GTF2H1: variants seen among roughly 807,000 people sequenced by gnomAD.
GTF2H1 encodes general transcription factor IIH subunit 1, also known as BTF2 p62.
GTF2H1 carries 16 observed loss-of-function variants against 71.2 expected under a neutral mutation model. The observed-to-expected ratio is 0.22, with a 90% CI of 0.15 to 0.34. The LOEUF is 0.34. GTF2H1 is among the 10% of genes least tolerant of loss of function. The pLI, the probability that GTF2H1 is intolerant of heterozygous loss-of-function variation, is 1.00. For missense variants in GTF2H1, 498 were observed against 648.2 expected (o/e 0.77, Z 2.52); for synonymous variants, 215 against 219.0 (o/e 0.98, Z 0.16).
At position 18,365,935 on chromosome 11, in the gene GTF2H1, C is replaced by A; in HGVS notation, c.*66C>A. 9.3e-7 allele frequency: 1 copy of A among 1,076,850 alleles called. No homozygotes were observed. Among genetic ancestry groups the A allele is most frequent in the Non-Finnish European group, 1.4e-6 (1 of 704,796 alleles). 66.7% of individuals were successfully genotyped at this position (1,076,850 alleles called of 1,614,324 possible). On this transcript the variant is annotated 3_prime_UTR_variant, in exon 15 of 15. Transcript: ENST00000265963. ...CTATGACCTGCAGCAACTCTGGAAA[C>A]CTGGCCTGACAGACAAGCAGATGAC...
chr11:18,341,702 T>A, intron 7 of GTF2H1, 95 bp downstream of exon 7: 1 of 737,584 alleles, frequency 1.4e-6, no homozygotes, highest in Non-Finnish European at 2.2e-6. Flanking sequence ...CTTGTGAGAA[T>A]GTCAAATAAG....
intron 14 of GTF2H1, among the ~76,000 whole-genome samples, chr11:18,363,045 G>C (rs1378010488): frequency 1.3e-5 from 2 of 151,364 alleles, no homozygotes; most frequent in African/African-American, 4.9e-5. Flanking sequence ...CATTAGCCTA[G>C]GCCTACACAG....
intron 12 of GTF2H1, 80 bp downstream of exon 12, chr11:18,358,122 T>G: frequency 1.1e-6 from 1 of 916,070 alleles, no homozygotes. Context: ...TGAACTTTTA[T>G]TGGTTTTTCC....
At chr11:18,346,733 C>CTTTTTTT (rs35494754) in intron 7 of GTF2H1, among the ~76,000 whole-genome samples, 33 of 85,228 alleles carry the variant, frequency 3.9e-4, no homozygotes, top group Non-Finnish European at 4.3e-4. Context: ...TTTTTATTTA[C>CTTTTTTT]TTTTTTTTTT....
chr11:18,351,006 G>A (rs1173480711), intron 9 of GTF2H1, among the ~76,000 whole-genome samples: 1 of 152,098 alleles, frequency 6.6e-6, no homozygotes, highest in Admixed American at 6.6e-5. Context: ...AAAAATCAGT[G>A]GGAAAAGGTA....
Position 18,347,857 on chromosome 11 carries a change from G to C in GTF2H1, c.991G>C (p.Glu331Gln). 3 of 1,611,352 alleles carry C rather than the reference G, an allele frequency of 1.9e-6. No homozygotes were observed. Among genetic ancestry groups the C allele is most frequent in the Non-Finnish European group, 2.5e-6 (3 of 1,179,236 alleles). Reference sequence around the variant, plus strand: ...AGAAGCACAAAATGAACAAACTAGTGAGCCCAGCAACATGGATGGAAATTC... The same window carrying C: ...AGAAGCACAAAATGAACAAACTAGTCAGCCCAGCAACATGGATGGAAATTC... ...KQEAQNEQTS[E>Q]PSNMDGNSGD... The change falls in exon 9 of 15, where the codon GAG (glutamate) becomes CAG (glutamine). Residue 331 changes from glutamate to glutamine, a missense_variant. Physicochemically the swap from Glu to Gln is conservative, Grantham distance 29. Transcript: ENST00000265963.
chr11:18,361,393 G>C (rs1865693949), intron 14 of GTF2H1, among the ~76,000 whole-genome samples: 1 of 152,118 alleles, frequency 6.6e-6, no homozygotes, highest in Non-Finnish European at 1.5e-5. Flanking sequence ...CTGGCCGGGT[G>C]CGGTGGCTCA....
intron 7 of GTF2H1, among the ~76,000 whole-genome samples, chr11:18,346,356 C>T (rs1158865485): frequency 1.3e-5 from 2 of 152,130 alleles, no homozygotes; most frequent in African/African-American, 4.8e-5. Context: ...TAAGCAGTTT[C>T]CTCTCCCTGA....
intron 13 of GTF2H1, 77 bp from the exon 14 acceptor site, chr11:18,360,538 T>C (rs1865671142): frequency 1.5e-6 from 1 of 671,988 alleles, no homozygotes. Context: ...GTAACTTTCA[T>C]ATGTAGAAGA....
intron 2 of GTF2H1, among the ~76,000 whole-genome samples, chr11:18,334,694 G>A (rs1864983592): frequency 1.3e-5 from 2 of 152,178 alleles, no homozygotes; most frequent in Non-Finnish European, 2.9e-5. Context: ...TCTGAAAGAA[G>A]CAATTGAAAT....
chr11:18,352,081 T>G, intron 10 of GTF2H1, 112 bp downstream of exon 10: 2 of 671,860 alleles, frequency 3.0e-6, no homozygotes, highest in South Asian at 4.0e-5. Flanking sequence ...AAGTACAATA[T>G]CCTTTTCTGT....
intron 7 of GTF2H1, among the ~76,000 whole-genome samples, chr11:18,346,244 G>T (rs187693623): frequency 2.6e-5 from 4 of 152,284 alleles, no homozygotes; most frequent in East Asian, 1.9e-4. Context: ...TAGAGACAAG[G>T]TCTCACTGTG....
chr11:18,327,986 T>C (rs1193833397), intron 1 of GTF2H1, among the ~76,000 whole-genome samples: 1 of 149,890 alleles, frequency 6.7e-6, no homozygotes, highest in East Asian at 2.0e-4. Flanking sequence ...AGGCGGGGGA[T>C]CACTAGGTCA....
intron 1 of GTF2H1, among the ~76,000 whole-genome samples, chr11:18,324,508 C>A (rs962779045): frequency 6.6e-6 from 1 of 152,194 alleles, no homozygotes; most frequent in Non-Finnish European, 1.5e-5. Flanking sequence ...AGGCTTGTAA[C>A]TTCTCCCTGC....
chr11:18,353,169 G>A (rs542009613), intron 11 of GTF2H1, among the ~76,000 whole-genome samples: 36 of 152,386 alleles, frequency 2.4e-4, no homozygotes, highest in Non-Finnish European at 4.8e-4. Context: ...AGGTTACAGT[G>A]AGCTGACACC....
At chr11:18,352,209 C>G in intron 10 of GTF2H1, 120 bp from the exon 11 acceptor site, 1 of 650,780 alleles carries the variant, frequency 1.5e-6, no homozygotes, top group Non-Finnish European at 2.8e-6. Context: ...ATTGAAATCT[C>G]TTTACTTATC....
intron 11 of GTF2H1, among the ~76,000 whole-genome samples, chr11:18,354,718 C>T (rs1865503209): frequency 2.0e-5 from 3 of 152,292 alleles, no homozygotes; most frequent in South Asian, 4.1e-4. Flanking sequence ...AAAGGAAGAG[C>T]ATTCCCTTCT....
At chr11:18,338,358 C>T (rs1329542262) in intron 4 of GTF2H1, 84 bp downstream of exon 4, 6 of 852,446 alleles carry the variant, frequency 7.0e-6, no homozygotes, top group Non-Finnish European at 1.1e-5. Flanking sequence ...TTTTGTAAAA[C>T]TTAGCATTTC....
At chr11:18,358,479 A>G (rs758450613) in intron 12 of GTF2H1, 46 bp from the exon 13 acceptor site, 7 of 1,089,270 alleles carry the variant, frequency 6.4e-6, no homozygotes, top group Admixed American at 1.8e-5. Context: ...GAGACTGTAT[A>G]TGTTAAAATA....
Sources: allele counts gnomAD v4.1 joint callset (sites outside exome capture counted in the v4.1 genomes callset), GRCh38; gene constraint gnomAD v4.1.1; transcripts MANE v1.5; gene names NCBI Gene and HGNC (gene_info 2026-07-23, HGNC 2026-07-21).